The following DNAH6 variants were observed in gnomAD, a reference collection of about 807,000 sequenced individuals.
The protein encoded by DNAH6 is dynein axonemal heavy chain 6, also known as axonemal beta dynein heavy chain 6.
A neutral mutation model predicts 491.4 loss-of-function variants in DNAH6; 340 were observed. The observed-to-expected ratio is 0.69, with a 90% CI of 0.63 to 0.76. The LOEUF is 0.76. DNAH6 is among the 30% of genes least tolerant of loss of function. The probability of loss-of-function intolerance (pLI) is 0.00; values close to 1 mark genes in which losing one functional copy is unlikely to be tolerated. For synonymous variants in DNAH6, 1,603 were observed against 1,686.1 expected, an observed-to-expected ratio of 0.95 and a Z score of 1.21; for missense variants, 4,443 against 4,972.2, an observed-to-expected ratio of 0.89 and a Z score of 3.20.
chr2:84,607,414 T>G (rs1416157252), intron 21 of DNAH6, among the ~76,000 whole-genome samples: 8 of 152,068 alleles, frequency 5.3e-5, no homozygotes, highest in Admixed American at 5.2e-4. Context: ...TCCAAGAACA[T>G]ATAAAAGTTA....
At chr2:84,572,427 T>G (rs921850017) in intron 11 of DNAH6, among the ~76,000 whole-genome samples, 2 of 152,200 alleles carry the variant, frequency 1.3e-5, no homozygotes, top group Admixed American at 6.5e-5. Context: ...AGCCTTATAT[T>G]GTTTCTAGCA....
At chr2:84,793,188 CCA>C (rs142585668) in intron 68 of DNAH6, among the ~76,000 whole-genome samples, 1 of 150,714 alleles carries the variant, frequency 6.6e-6, no homozygotes, top group Non-Finnish European at 1.5e-5. Context: ...GTGGACACCA[CCA>C]CACACACACA....
At chr2:84,813,210 A>G in intron 74 of DNAH6, 80 bp downstream of exon 74, 2 of 1,010,864 alleles carry the variant, frequency 2.0e-6, no homozygotes, top group African/African-American at 1.6e-5. Flanking sequence ...TGGGGAAATG[A>G]CATGGCTGCT....
In DNAH6 at chr2:84,683,755, A is replaced by G. The variant is rs1694034729; in HGVS notation, c.6917-1571A>G. On this transcript the variant is annotated intron_variant, in intron 42 of 76. Transcript: ENST00000389394. ...TTTTTTCTCTAAAAAGATTCTAACT[A>G]ACATGTATAAGTTTGTTTTTAATAT... Among the ~76,000 whole-genome samples, 4 of 151,972 alleles carry G rather than the reference A, an allele frequency of 2.6e-5. 1 individual carries two copies. The South Asian group carries it at 8.3e-4, about 32-fold the overall frequency.
the DNAH6 span, among the ~76,000 whole-genome samples, chr2:84,507,386 A>C: frequency 6.6e-6 from 1 of 152,148 alleles, no homozygotes; most frequent in Non-Finnish European, 1.5e-5. Flanking sequence ...TTGGTGTATA[A>C]GAATGCTTGT....
At chr2:84,650,072 TTTTC>T (rs1690290265) in intron 33 of DNAH6, among the ~76,000 whole-genome samples, 1 of 152,156 alleles carries the variant, frequency 6.6e-6, no homozygotes, top group Non-Finnish European at 1.5e-5. Context: ...GCTAAAATTG[TTTTC>T]TTTGTCTTCC....
rs1170153615 is a variant in DNAH6 at position 84,669,434 on chromosome 2, G to T, written c.6230G>T (p.Arg2077Leu). The change falls in exon 38 of 77, where the codon CGC becomes CTC. Residue 2077 changes from arginine (R) to leucine (L), a missense_variant. Around this residue, in one of 3 missense-constraint regions of DNAH6, gnomAD observed 2,977 missense variants for 3,296.6 expected, o/e 0.90. Transcript: ENST00000389394. ...EMLVPTTDTV[R>L]YGYLMEKLLA... is the part of the protein sequence containing the mutation. The stretch of plus-strand genomic sequence containing the variant: ...CTTGTCCCCACAACTGACACAGTGC[G>T]CTATGGGTATCTAATGGAAAAACTA... The T allele has an allele frequency of 1.3e-6, 2 of 1,551,882 alleles. No homozygotes were observed. Among genetic ancestry groups the T allele is most frequent in the Non-Finnish European group, 1.7e-6 (2 of 1,147,046 alleles).
chr2:84,708,478 G>GGC (rs1696695435), intron 54 of DNAH6, among the ~76,000 whole-genome samples: 1 of 109,710 alleles, frequency 9.1e-6, no homozygotes, highest in Admixed American at 9.2e-5. Context: ...GAGAGAAAGG[G>GGC]GGGGGGGAGG....
At chr2:84,685,508 T>C in intron 43 of DNAH6, 36 bp downstream of exon 43, 6 of 1,330,964 alleles carry the variant, frequency 4.5e-6, no homozygotes, top group Non-Finnish European at 5.9e-6. Flanking sequence ...TTTTTTTATT[T>C]GAGTAGAAAA....
In DNAH6 at chr2:84,699,712, G is replaced by C; in HGVS notation, c.7796G>C (p.Cys2599Ser). ...ATGTTTCCATCCCTTGTGAATTGCT[G>C]CACCATTGACTGGTTTGTGCAGGTT... is the stretch of plus-strand genomic sequence containing the variant. ...CRMFPSLVNC[C>S]TIDWFVQWPR... Residue 2599 changes from cysteine to serine, a missense_variant, in exon 48 of 77, where the codon TGC becomes TCC. Physicochemically the swap from Cys to Ser is moderately radical, Grantham distance 112 (BLOSUM62 -1). This residue lies in a region of DNAH6 where 2,977 missense variants were observed against 3,296.6 expected (regional missense o/e 0.90). Transcript: ENST00000389394. The C allele has an allele frequency of 6.4e-7, 1 of 1,551,610 alleles. No homozygotes were observed. The highest frequency in any genetic ancestry group is 8.7e-7 in the Non-Finnish European group (1 of 1,146,968).
intron 18 of DNAH6, among the ~76,000 whole-genome samples, chr2:84,596,793 C>G (rs1166842524): frequency 6.6e-6 from 1 of 152,038 alleles, no homozygotes; most frequent in Non-Finnish European, 1.5e-5. Context: ...AATATCTAGT[C>G]AAAACACTTT....
intron 50 of DNAH6, 25 bp downstream of exon 50, chr2:84,703,587 G>A (rs754795938): frequency 2.6e-6 from 4 of 1,524,112 alleles, no homozygotes; most frequent in Admixed American, 2.1e-5. Flanking sequence ...CTGAGAATGT[G>A]GAAAAGGCTT....
chr2:84,671,331 G>A (rs925099572), intron 39 of DNAH6, among the ~76,000 whole-genome samples: 1 of 152,136 alleles, frequency 6.6e-6, no homozygotes, highest in African/African-American at 2.4e-5. Context: ...GTTTCCCTGA[G>A]GGTGGGAGTC....
At chr2:84,653,121 GAAAC>G (rs1200336176) in intron 33 of DNAH6, among the ~76,000 whole-genome samples, 194 bp from the exon 34 acceptor site, 1 of 151,894 alleles carries the variant, frequency 6.6e-6, no homozygotes, top group Non-Finnish European at 1.5e-5. Flanking sequence ...TACTGTACAG[GAAAC>G]AAACAAAATC....
At chr2:84,517,212 G>A (rs1012957564) in intron 1 of DNAH6, among the ~76,000 whole-genome samples, 2 of 152,192 alleles carry the variant, frequency 1.3e-5, no homozygotes, top group Non-Finnish European at 1.5e-5. Flanking sequence ...GTGGTGCAGA[G>A]TGCAAGACCA....
At position 84,770,310 on chromosome 2, in the gene DNAH6, C is replaced by T. The variant is rs1017630315; in HGVS notation, c.10703+7365C>T. Among the ~76,000 whole-genome samples, 6 of 152,172 alleles carry T rather than the reference C, an allele frequency of 3.9e-5. No individual in the cohort carries two copies. The Middle Eastern group carries it at 0.014, about 345-fold the overall frequency. On this transcript the variant is annotated intron_variant, in intron 64 of 76. Transcript: ENST00000389394. ...GTCTGCTTTTCAACAACAAAAAATA[C>T]AAAGCATCCAAAGACATAAGAAATT...
chr2:84,506,468 G>T, the DNAH6 span, among the ~76,000 whole-genome samples: 1 of 151,906 alleles, frequency 6.6e-6, no homozygotes, highest in Non-Finnish European at 1.5e-5. Flanking sequence ...CTGTATATTA[G>T]CCCTATGTCA....
intron 59 of DNAH6, among the ~76,000 whole-genome samples, chr2:84,722,372 C>G (rs1198759030): frequency 3.9e-5 from 6 of 152,160 alleles, no homozygotes; most frequent in Non-Finnish European, 5.9e-5. Flanking sequence ...AGACATGCTG[C>G]TTCTATGTTT....
intron 1 of DNAH6, among the ~76,000 whole-genome samples, 191 bp downstream of exon 1, chr2:84,516,774 T>C (rs931223507): frequency 6.6e-6 from 1 of 152,204 alleles, no homozygotes; most frequent in Non-Finnish European, 1.5e-5. Flanking sequence ...AAAAGACTTG[T>C]CCAAGATCTC....
Sources: gnomAD v4.1 joint callset for allele counts (sites outside exome capture counted in the v4.1 genomes callset) on GRCh38, gnomAD v4.1.1 for gene constraint, gnomAD v4.1.1 regional missense constraint, MANE v1.5 for transcripts, NCBI Gene and HGNC (gene_info 2026-07-23, HGNC 2026-07-21) for gene names.